Variants in DLG1 observed in about 807,000 individuals in gnomAD.
DLG1 encodes discs large MAGUK scaffold protein 1.
Under a neutral mutation model 123.4 loss-of-function variants are expected in DLG1, and 42 were observed. The ratio of observed to expected loss-of-function variants is 0.34; its 90% CI spans 0.27 to 0.44. DLG1 has a LOEUF of 0.44. Ranked by LOEUF, DLG1 falls within the 20% of genes least tolerant of loss-of-function variation. The pLI is 1.00. For missense variants in DLG1, 942 were observed against 1,082.6 expected (o/e 0.87, Z 1.82); for synonymous variants, 317 against 356.2 (o/e 0.89, Z 1.24).
chr3:197,053,072 T>C (rs1729049693), intron 23 of DLG1, among the ~76,000 whole-genome samples: 1 of 152,180 alleles, frequency 6.6e-6, no homozygotes, highest in African/African-American at 2.4e-5. Flanking sequence ...TTCAAAATAA[T>C]CTGGAATGAA....
chr3:197,242,557 A>T (rs567521982), intron 4 of DLG1, among the ~76,000 whole-genome samples: 112 of 127,724 alleles, frequency 8.8e-4, no homozygotes, highest in African/African-American at 3.3e-3. Context: ...CTGAACAAAT[A>T]AAAAAAAAAA....
intron 10 of DLG1, among the ~76,000 whole-genome samples, chr3:197,131,061 T>C (rs1782195316): frequency 6.6e-6 from 1 of 152,248 alleles, no homozygotes; most frequent in Non-Finnish European, 1.5e-5. Flanking sequence ...CTGTTCCATG[T>C]TGGGACACAA....
At chr3:197,261,153 T>C (rs1301657152) in intron 4 of DLG1, among the ~76,000 whole-genome samples, 1 of 152,220 alleles carries the variant, frequency 6.6e-6, no homozygotes, top group Admixed American at 6.5e-5. Flanking sequence ...ACTTTGTGAA[T>C]TCATGTCCTG....
intron 5 of DLG1, among the ~76,000 whole-genome samples, chr3:197,160,311 T>C (rs1385616728): frequency 1.3e-5 from 2 of 151,674 alleles, no homozygotes; most frequent in African/African-American, 4.8e-5. Flanking sequence ...CAGAAAACTA[T>C]TTTAACACCA....
At chr3:197,063,441 T>C (rs542221977) in intron 22 of DLG1, among the ~76,000 whole-genome samples, 8 of 152,306 alleles carry the variant, frequency 5.3e-5, no homozygotes, top group Admixed American at 2.0e-4. Context: ...CCTCATTAAG[T>C]TCTGATTTAC....
chr3:197,131,077 T>C (rs1405317961), intron 10 of DLG1, among the ~76,000 whole-genome samples: 2 of 152,208 alleles, frequency 1.3e-5, no homozygotes, highest in African/African-American at 4.8e-5. Flanking sequence ...CACAAATTAA[T>C]AGAATTACTA....
intron 24 of DLG1, 121 bp downstream of exon 24, chr3:197,051,456 G>T: frequency 1.4e-6 from 1 of 720,910 alleles, no homozygotes; most frequent in Non-Finnish European, 2.4e-6. Flanking sequence ...GCCTAGGCTG[G>T]ATGATACTAG....
intron 10 of DLG1, among the ~76,000 whole-genome samples, chr3:197,130,905 A>G (rs1029520079): frequency 6.6e-6 from 1 of 152,104 alleles, no homozygotes; most frequent in African/African-American, 2.4e-5. Context: ...CATACCTCCT[A>G]TTCTCCCAGT....
chr3:197,267,565 T>TTTTCTTCC (rs1762222522), intron 4 of DLG1, among the ~76,000 whole-genome samples: 2 of 151,354 alleles, frequency 1.3e-5, no homozygotes, highest in African/African-American at 4.9e-5. Flanking sequence ...AGTTTGCCTT[T>TTTTCTTCC]TTTTCTTCCC....
chr3:197,133,737 A>G (rs76873850), intron 10 of DLG1, among the ~76,000 whole-genome samples: 2,269 of 152,338 alleles, frequency 0.015, 20 homozygotes, highest in Non-Finnish European at 0.024. Flanking sequence ...GAGGTTACAG[A>G]TATGAGGAGG....
chr3:197,243,007 T>G (rs2150755356), intron 4 of DLG1, among the ~76,000 whole-genome samples: 1 of 152,232 alleles, frequency 6.6e-6, no homozygotes, highest in South Asian at 2.1e-4. Flanking sequence ...AAATGAGCAC[T>G]CAAACAAAAG....
intron 1 of DLG1, chr3:197,297,706 A>G: frequency 2.0e-6 from 2 of 988,192 alleles, no homozygotes; most frequent in Non-Finnish European, 2.4e-6. Context: ...GGGCTGCTCC[A>G]GCGGGGGCCG....
intron 1 of DLG1, chr3:197,298,241 G>T: frequency 2.9e-6 from 1 of 345,426 alleles, no homozygotes; most frequent in Non-Finnish European, 5.2e-6. Context: ...CTACCTTCGG[G>T]TTGGAAGGGG....
At chr3:197,165,944 C>G (rs1358281101) in intron 5 of DLG1, among the ~76,000 whole-genome samples, 2 of 152,140 alleles carry the variant, frequency 1.3e-5, no homozygotes, top group Admixed American at 1.3e-4. Context: ...AACCTTGGTG[C>G]AGATGACCTC....
At chr3:197,233,322 A>G (rs1414713112) in intron 4 of DLG1, among the ~76,000 whole-genome samples, 1 of 152,232 alleles carries the variant, frequency 6.6e-6, no homozygotes, top group African/African-American at 2.4e-5. Context: ...CATGGATTAG[A>G]AGAACTGCCA....
intron 17 of DLG1, chr3:197,078,598 A>T (rs1748824227): frequency 6.6e-6 from 1 of 152,180 alleles, no homozygotes; most frequent in Non-Finnish European, 1.5e-5. Context: ...ATTATGGAGA[A>T]ATCTGGGCTT....
At chr3:197,191,758 T>G (rs1719725484) in intron 5 of DLG1, among the ~76,000 whole-genome samples, 1 of 152,172 alleles carries the variant, frequency 6.6e-6, no homozygotes, top group Non-Finnish European at 1.5e-5. Context: ...TGGCATTTAT[T>G]TACTTTAGAC....
In DLG1 at chr3:197,044,469, G is replaced by A; in HGVS notation, c.*154C>T. On this transcript the variant is annotated 3_prime_UTR_variant, in exon 25 of 25. Transcript: ENST00000667157. Reference sequence around the variant, plus strand: ...AATAATACACACGATGTAACTTGAAGGAGACACTACATGTGAAAAAGAAGC... The same window carrying A: ...AATAATACACACGATGTAACTTGAAAGAGACACTACATGTGAAAAAGAAGC... The A allele has an allele frequency of 2.0e-6, 1 of 491,830 alleles. No individual in the cohort carries two copies. The highest frequency in any genetic ancestry group is 3.5e-5 in the South Asian group (1 of 28,530). 30.5% of individuals were successfully genotyped at this position (491,830 alleles called of 1,614,324 possible).
At chr3:197,249,218 A>C (rs1753206321) in intron 4 of DLG1, among the ~76,000 whole-genome samples, 1 of 152,120 alleles carries the variant, frequency 6.6e-6, no homozygotes, top group Admixed American at 6.5e-5. Flanking sequence ...ATGAAAAAGA[A>C]AACATAACTG....
Sources: allele counts gnomAD v4.1 joint callset (sites outside exome capture counted in the v4.1 genomes callset), GRCh38; gene constraint gnomAD v4.1.1; transcripts MANE v1.5; gene names NCBI Gene and HGNC (gene_info 2026-07-23, HGNC 2026-07-21).